FCHO1: variants seen among roughly 807,000 people sequenced by gnomAD.
The protein encoded by FCHO1 is FCH and mu domain containing endocytic adaptor 1.
A neutral mutation model predicts 114.4 loss-of-function variants in FCHO1; 45 were observed. The ratio of observed to expected loss-of-function variants is 0.39; its 90% CI spans 0.31 to 0.50. The LOEUF is 0.50. FCHO1 is among the 20% of genes least tolerant of loss of function. The pLI, the probability that FCHO1 is intolerant of heterozygous loss-of-function variation, is 0.77. For missense variants in FCHO1, 1,042 were observed against 1,209.6 expected, an observed-to-expected ratio of 0.86 and a Z score of 2.06; for synonymous variants, 480 against 488.9, an observed-to-expected ratio of 0.98 and a Z score of 0.24.
chr19:17,786,656 G>A (rs755243880), intron 27 of FCHO1, 27 bp downstream of exon 27: 19 of 1,589,044 alleles, frequency 1.2e-5, no homozygotes, highest in Non-Finnish European at 1.6e-5. Context: ...TATGAGGGCT[G>A]GGTGGGAGGG....
At chr19:17,757,177 C>A (rs1281048172) in intron 4 of FCHO1, among the ~76,000 whole-genome samples, 2 of 145,576 alleles carry the variant, frequency 1.4e-5, no homozygotes, top group Admixed American at 6.8e-5. Flanking sequence ...GAGTGAGACT[C>A]CGTCTAAAAA....
Position 17,775,451 on chromosome 19 carries a change from C to T in FCHO1, c.946-5C>T. On this transcript the variant is annotated splice_region_variant and splice_polypyrimidine_tract_variant and intron_variant, in intron 14 of 28. Coordinates refer to ENST00000596536, the MANE Select transcript of FCHO1 (RefSeq NM_015122.3). The surrounding 1 kb of genome is among the most constrained non-coding windows in gnomAD (Gnocchi z 5.1). ...TGACTCACTGCTGCCCCCTGACTCC[C>T]CTAGACATGTCCAGAGGTGGATGAA... 1 of 1,613,800 alleles carries T rather than the reference C, an allele frequency of 6.2e-7. No homozygotes were observed. Among genetic ancestry groups the T allele is most frequent in the Non-Finnish European group, 8.5e-7 (1 of 1,179,876 alleles).
At chr19:17,772,582 G>A in intron 10 of FCHO1, 27 bp downstream of exon 10, 1 of 1,613,682 alleles carries the variant, frequency 6.2e-7, no homozygotes, top group Non-Finnish European at 8.5e-7. Context: ...TGAGGAATGA[G>A]GCTGGGGTCA....
chr19:17,759,886 TA>T (rs1270616910), intron 4 of FCHO1, among the ~76,000 whole-genome samples: 1 of 152,188 alleles, frequency 6.6e-6, no homozygotes, highest in Non-Finnish European at 1.5e-5. Flanking sequence ...TCATATTGTT[TA>T]TTATTTTTTG....
chr19:17,748,461 G>A (rs1344992297), upstream of FCHO1, among the ~76,000 whole-genome samples: 7 of 150,142 alleles, frequency 4.7e-5, no homozygotes, highest in African/African-American at 1.7e-4. Flanking sequence ...CCCCTGCCTG[G>A]CACGGTTTAT....
rs2091901534 is a variant in FCHO1, at chr19:17,772,750, G to T, written c.790+9G>T. On this transcript the variant is annotated intron_variant, in intron 11 of 28. Transcript: ENST00000596536. ...AGGCCGGGAGAAGCCTGGTGAGTCA[G>T]GGCAGCCATTGGGGGTCGGGCTTCG... 5 of 1,611,964 alleles carry T rather than the reference G, an allele frequency of 3.1e-6. No individual in the cohort carries two copies. Among genetic ancestry groups the T allele is most frequent in the Non-Finnish European group, 4.2e-6 (5 of 1,178,174 alleles).
intron 21 of FCHO1, 23 bp from the exon 22 acceptor site, chr19:17,781,429 A>C: frequency 1.2e-6 from 2 of 1,613,758 alleles, no homozygotes; most frequent in Non-Finnish European, 1.7e-6. Context: ...ACTCACAGCC[A>C]AGATTGTCTC....
At chr19:17,771,659 ACT>A (rs2091597541) in intron 9 of FCHO1, among the ~76,000 whole-genome samples, 1 of 151,700 alleles carries the variant, frequency 6.6e-6, no homozygotes. Flanking sequence ...ACAGAGCGAG[ACT>A]CTGTCTCAAA....
intron 1 of FCHO1, among the ~76,000 whole-genome samples, chr19:17,753,236 T>G (rs10404160): frequency 6.6e-6 from 1 of 152,150 alleles, no homozygotes; most frequent in African/African-American, 2.4e-5. Flanking sequence ...GGGATGTCAG[T>G]GTAGCATGCT....
intron 4 of FCHO1, among the ~76,000 whole-genome samples, chr19:17,759,008 C>T (rs569704184): frequency 6.6e-6 from 1 of 151,988 alleles, no homozygotes; most frequent in East Asian, 1.9e-4. Flanking sequence ...TTCAAGCTTC[C>T]GGGTACCTGG....
chr19:17,752,784 C>T (rs987417663), intron 1 of FCHO1, among the ~76,000 whole-genome samples: 3 of 151,752 alleles, frequency 2.0e-5, no homozygotes, highest in Non-Finnish European at 2.9e-5. Context: ...CATGTAGTCC[C>T]AGCTACTCGG....
chr19:17,774,198 C>T lies in FCHO1; in HGVS notation c.791-41C>T, dbSNP rs745618677. 4.4e-5 allele frequency: 71 copies of T among 1,604,930 alleles called. 1 individual carries two copies. The Middle Eastern group carries it at 6.6e-4, about 15-fold the overall frequency. Reference sequence around the variant, plus strand: ...TGCTGGGATTACAGGCATGGGCCACCGTGCCCAGCCCCTCAATTGAGTTTC... The same window carrying T: ...TGCTGGGATTACAGGCATGGGCCACTGTGCCCAGCCCCTCAATTGAGTTTC... On this transcript the variant is annotated intron_variant, in intron 11 of 28. Coordinates refer to ENST00000596536, the MANE Select transcript of FCHO1 (RefSeq NM_015122.3).
chr19:17,785,978 T>A (rs1078085), intron 26 of FCHO1, among the ~76,000 whole-genome samples: 31,686 of 146,934 alleles, frequency 0.22, 3,480 homozygotes, highest in African/African-American at 0.28. Flanking sequence ...AACAAAAATT[T>A]AAAAAAAAAA....
At chr19:17,753,927 A>T (rs2082662418) in intron 1 of FCHO1, 1 of 152,292 alleles carries the variant, frequency 6.6e-6, no homozygotes, top group African/African-American at 2.4e-5. Context: ...TCGGTCCCCC[A>T]AAGTGCTGGG....
intron 20 of FCHO1, among the ~76,000 whole-genome samples, chr19:17,780,493 A>T (rs1484180730): frequency 6.6e-6 from 1 of 151,916 alleles, no homozygotes; most frequent in Non-Finnish European, 1.5e-5. Flanking sequence ...AACCCTGCAA[A>T]TTCTGCCCCC....
At chr19:17,783,259 A>ATTTT (rs35570531) in intron 24 of FCHO1, 87 bp downstream of exon 24, 8 of 1,113,306 alleles carry the variant, frequency 7.2e-6, no homozygotes, top group South Asian at 3.4e-5. Context: ...GCTTCCTGGG[A>ATTTT]TTTTTTCTTT....
intron 1 of FCHO1, among the ~76,000 whole-genome samples, chr19:17,753,257 C>G (rs1394345704): frequency 7.2e-5 from 11 of 152,224 alleles, no homozygotes; most frequent in Admixed American, 7.2e-4. Flanking sequence ...CACCACCCTA[C>G]CCCTGCCACC....
chr19:17,774,639 CCCCGGCTAGCTCAATATTACCGCTG>C, intron 13 of FCHO1, 161 bp downstream of exon 13: 1 of 619,388 alleles, frequency 1.6e-6, no homozygotes, highest in African/African-American at 1.8e-5. Context: ...GTACCTCTGC[CCCCGGCTAGCTCAATATTACCGCTG>C]CCCAAGCTAG....
chr19:17,753,239 A>G (rs1246879775), intron 1 of FCHO1, among the ~76,000 whole-genome samples: 1 of 152,230 alleles, frequency 6.6e-6, no homozygotes, highest in African/African-American at 2.4e-5. Flanking sequence ...ATGTCAGTGT[A>G]GCATGCTCAC....
Sources: allele counts gnomAD v4.1 joint callset (sites outside exome capture counted in the v4.1 genomes callset), GRCh38; gene constraint gnomAD v4.1.1; non-coding constraint Gnocchi (gnomAD v3.1); transcripts MANE v1.5; gene names NCBI Gene and HGNC (gene_info 2026-07-23, HGNC 2026-07-21).